Variants in TMEM62 observed in about 807,000 individuals in gnomAD.
TMEM62 encodes transmembrane protein 62.
A neutral mutation model predicts 70.4 loss-of-function variants in TMEM62; 41 were observed. The observed-to-expected ratio is 0.58, with a 90% CI of 0.45 to 0.76. The LOEUF (loss-of-function observed/expected upper bound fraction) is 0.76. Among genes scored for constraint, TMEM62 ranks in the 30% least tolerant of loss-of-function variants. The probability of loss-of-function intolerance (pLI) is 0.00; values close to 1 mark genes in which losing one functional copy is unlikely to be tolerated. For missense variants in TMEM62, 688 were observed against 788.5 expected (o/e 0.87, Z 1.53); for synonymous variants, 268 against 291.0 (o/e 0.92, Z 0.80).
intron 11 of TMEM62, among the ~76,000 whole-genome samples, chr15:43,174,335 T>C (rs1024573720): frequency 2.6e-5 from 4 of 152,218 alleles, no homozygotes; most frequent in African/African-American, 4.8e-5. Flanking sequence ...GGGAGTATTG[T>C]AGTAATGATT....
intron 3 of TMEM62, 23 bp downstream of exon 3, chr15:43,135,672 A>C (rs751225592): frequency 6.4e-7 from 1 of 1,557,076 alleles, no homozygotes; most frequent in Admixed American, 2.3e-5. Flanking sequence ...AGCCAGATAC[A>C]ATAAAGACAA....
chr15:43,147,547 A>G (rs897075395), intron 5 of TMEM62, among the ~76,000 whole-genome samples: 1 of 152,260 alleles, frequency 6.6e-6, no homozygotes, highest in Non-Finnish European at 1.5e-5. Context: ...AGACCAGTAT[A>G]GAAATAAATA....
At chr15:43,160,608 C>T in intron 9 of TMEM62, 73 bp from the exon 10 acceptor site, 1 of 758,710 alleles carries the variant, frequency 1.3e-6, no homozygotes, top group Non-Finnish European at 2.1e-6. Flanking sequence ...GAAACCTATT[C>T]TTATTTTAAT....
intron 7 of TMEM62, 48 bp downstream of exon 7, chr15:43,149,199 C>G: frequency 6.3e-7 from 1 of 1,588,154 alleles, no homozygotes; most frequent in Non-Finnish European, 8.6e-7. Flanking sequence ...TAAGTTTTGC[C>G]AAAGCAATGA....
chr15:43,182,229 G>A (rs936726323), intron 13 of TMEM62, among the ~76,000 whole-genome samples: 1 of 152,158 alleles, frequency 6.6e-6, no homozygotes, highest in African/African-American at 2.4e-5. Flanking sequence ...AATGGAGTTA[G>A]TGGACCAAAA....
At chr15:43,134,446 T>A in intron 2 of TMEM62, 78 bp downstream of exon 2, 1 of 1,193,128 alleles carries the variant, frequency 8.4e-7, no homozygotes, top group Non-Finnish European at 1.2e-6. Context: ...GGCTTTTCAT[T>A]TTGGGGACGT....
Position 43,148,739 on chromosome 15 carries a change from T to C in TMEM62, c.619-16T>C. On this transcript the variant is annotated splice_polypyrimidine_tract_variant and intron_variant, in intron 5 of 13. Transcript: ENST00000260403. ...GAGCCCTAATTTAAGATCCTTCCAT[T>C]TTTCTCCCATCTCAGAAAAAGATGG... is the stretch of plus-strand genomic sequence containing the variant. 1 of 1,609,404 alleles carries C rather than the reference T, an allele frequency of 6.2e-7. No individual in the cohort carries two copies. Among genetic ancestry groups the C allele is most frequent in the Admixed American group, 1.7e-5 (1 of 58,554 alleles).
chr15:43,185,068 G>T lies in TMEM62; in HGVS notation c.*482G>T. The T allele has an allele frequency of 4.0e-6, 1 of 252,080 alleles. No individual in the cohort carries two copies. The highest frequency in any genetic ancestry group is 7.8e-6 in the Non-Finnish European group (1 of 128,962). 15.6% of individuals were successfully genotyped at this position (252,080 alleles called of 1,614,324 possible). ...TAGTTCCCAGGCCTGTTTTCCCACA[G>T]GATTGTGGGCTCTCTGCTTCCTTAG... On this transcript the variant is annotated 3_prime_UTR_variant, in exon 14 of 14. Transcript: ENST00000260403.
intron 10 of TMEM62, chr15:43,169,059 C>T (rs2141970786): frequency 6.5e-6 from 1 of 153,190 alleles, no homozygotes; most frequent in South Asian, 2.1e-4. Context: ...CAGATTATCT[C>T]TGCCACAGAA....
intron 10 of TMEM62, among the ~76,000 whole-genome samples, chr15:43,165,656 C>T (rs2039315359): frequency 6.6e-6 from 1 of 151,796 alleles, no homozygotes. Flanking sequence ...TGGCATGAAC[C>T]CAGGAGGCGG....
rs1169921008 is a variant in TMEM62 at position 43,162,433 on chromosome 15, C to CTTTTTTTTTTTTTTTTTTTTTTTTT, written c.1296+1652_1296+1653insTTTTTTTTTTTTTTTTTTTTTTTTT. Among the ~76,000 whole-genome samples the CTTTTTTTTTTTTTTTTTTTTTTTTT allele has an allele frequency of 2.6e-4, 35 of 137,018 alleles. 3 individuals are homozygous for CTTTTTTTTTTTTTTTTTTTTTTTTT. The highest frequency in any genetic ancestry group is 1.0e-3 in the African/African-American group (34 of 32,554). 89.9% of individuals were successfully genotyped at this position (137,018 alleles called of 152,430 possible). ...CAGGCGTGAGCCACTGCCCCTGGCC[C>CTTTTTTTTTTTTTTTTTTTTTTTTT]TTTTTTTTTTTTTGTTGAGCTGGAG... On this transcript the variant is annotated intron_variant, in intron 10 of 13. Coordinates refer to ENST00000260403, the MANE Select transcript of TMEM62 (RefSeq NM_024956.4).
intron 4 of TMEM62, among the ~76,000 whole-genome samples, chr15:43,141,988 T>G (rs1258340314): frequency 6.6e-6 from 1 of 152,172 alleles, no homozygotes; most frequent in African/African-American, 2.4e-5. Context: ...GCAGAAAAAG[T>G]GGTTTCTTGA....
intron 11 of TMEM62, among the ~76,000 whole-genome samples, chr15:43,175,569 A>G (rs904843259): frequency 1.3e-5 from 2 of 152,190 alleles, no homozygotes; most frequent in African/African-American, 4.8e-5. Flanking sequence ...TCTCTGAGTC[A>G]AGCCCTTACA....
At position 43,143,411 on chromosome 15, in the gene TMEM62, C is replaced by T. The variant is rs141041199; in HGVS notation, c.477-3082C>T. Among the ~76,000 whole-genome samples the T allele has an allele frequency of 4.0e-3, 614 of 152,316 alleles. 13 individuals are homozygous for T. In the East Asian group the frequency reaches 0.049, roughly 12 times the overall value. The stretch of plus-strand genomic sequence containing the variant: ...GGGAAACCAAAAAATTCATGTGACT[C>T]GCTTTTTTGCAATATTTGCTTTATT... On this transcript the variant is annotated intron_variant, in intron 4 of 13. Transcript: ENST00000260403.
intron 11 of TMEM62, among the ~76,000 whole-genome samples, chr15:43,172,043 A>G (rs181387062): frequency 1.3e-5 from 2 of 152,140 alleles, no homozygotes; most frequent in East Asian, 3.9e-4. Context: ...TCTAAAAAAA[A>G]TTTTTTATGG....
intron 10 of TMEM62, among the ~76,000 whole-genome samples, chr15:43,164,525 T>G (rs1417126041): frequency 1.3e-5 from 2 of 151,632 alleles, no homozygotes; most frequent in African/African-American, 4.8e-5. Context: ...AACCAGCTAA[T>G]TTTTACTTTT....
At position 43,184,374 on chromosome 15, in the gene TMEM62, C is replaced by A; in HGVS notation, c.1720C>A (p.Pro574Thr). The A allele has an allele frequency of 6.2e-7, 1 of 1,614,198 alleles. No homozygotes were observed. The highest frequency in any genetic ancestry group is 1.3e-5 in the African/African-American group (1 of 75,044). The part of the protein sequence containing the change: ...LHQRKYLKIM[P>T]VHLLMLLLYI... The stretch of plus-strand genomic sequence containing the variant: ...TCAAAGAAAATACTTGAAAATTATG[C>A]CTGTTCACCTACTTATGCTACTGCT... Residue 574 changes from proline to threonine, a missense_variant, in exon 14 of 14, where the codon CCT becomes ACT. Coordinates refer to ENST00000260403, the MANE Select transcript of TMEM62 (RefSeq NM_024956.4).
chr15:43,177,196 C>T (rs910873798), intron 11 of TMEM62, among the ~76,000 whole-genome samples: 6 of 151,898 alleles, frequency 4.0e-5, no homozygotes, highest in African/African-American at 1.5e-4. Flanking sequence ...GTGAAAAGAC[C>T]AAATCTGCTA....
chr15:43,160,570 TAAC>T (rs779483558), intron 9 of TMEM62, 108 bp from the exon 10 acceptor site: 92 of 620,500 alleles, frequency 1.5e-4, no homozygotes, highest in South Asian at 3.1e-4. Flanking sequence ...ACAACAACAA[TAAC>T]AACAACAACA....
Sources: gnomAD v4.1 joint callset for allele counts (sites outside exome capture counted in the v4.1 genomes callset) on GRCh38, gnomAD v4.1.1 for gene constraint, MANE v1.5 for transcripts, NCBI Gene and HGNC (gene_info 2026-07-23, HGNC 2026-07-21) for gene names.